The following CACNA1C variants were observed in gnomAD, a reference collection of about 807,000 sequenced individuals.
CACNA1C encodes voltage-dependent L-type calcium channel subunit alpha-1C.
A neutral mutation model predicts 229.0 loss-of-function variants in CACNA1C; 30 were observed. The ratio of observed to expected loss-of-function variants is 0.13; its 90% CI spans 0.10 to 0.18. CACNA1C has a LOEUF of 0.18. Among genes scored for constraint, CACNA1C ranks in the 10% least tolerant of loss-of-function variants. The pLI is 1.00. For synonymous variants in CACNA1C, 1,114 were observed against 1,132.5 expected, an observed-to-expected ratio of 0.98 and a Z score of 0.33; for missense variants, 1,658 against 2,845.0, an observed-to-expected ratio of 0.58 and a Z score of 9.49.
intron 29 of CACNA1C, among the ~76,000 whole-genome samples, chr12:2,627,638 A>G (rs74053895): frequency 0.037 from 5,647 of 152,136 alleles, 348 homozygotes; most frequent in African/African-American, 0.13. Context: ...GCTCTCTTGC[A>G]GGGACCCCCT....
chr12:2,605,872 G>C lies in CACNA1C; in HGVS notation c.3156+86G>C. The stretch of plus-strand genomic sequence containing the variant: ...GGGAACTGGCAGATATAGTACAAAC[G>C]AGACAGTGTCCTGAGCCAGACTTGG... On this transcript the variant is annotated intron_variant, in intron 24 of 46. Transcript: ENST00000399655. The surrounding 1 kb of genome is among the most constrained non-coding windows in gnomAD (Gnocchi z 6.2). The C allele has an allele frequency of 2.1e-6, 2 of 938,744 alleles. No individual in the cohort carries two copies. Among genetic ancestry groups the C allele is most frequent in the Admixed American group, 1.8e-5 (1 of 54,358 alleles). The allele number at this position is 938,744 out of a possible 1,614,324, so 58.2% of individuals were successfully genotyped here.
chr12:2,547,594 T>C (rs1410109132), intron 9 of CACNA1C: 1 of 761,800 alleles, frequency 1.3e-6, no homozygotes, highest in East Asian at 2.5e-5. Flanking sequence ...GGAAGGTGTC[T>C]CTCTTGATGG....
chr12:1,977,510 G>A (rs926084530), intron 1 of CACNA1C, among the ~76,000 whole-genome samples: 1 of 152,164 alleles, frequency 6.6e-6, no homozygotes, highest in East Asian at 1.9e-4. Flanking sequence ...AACAATTCTA[G>A]AATATAAGTG....
In CACNA1C at chr12:2,263,259, C is replaced by A. The variant is rs532367944; in HGVS notation, c.477+142829C>A. 2.0e-5 allele frequency among the ~76,000 whole-genome samples: 3 copies of A among 151,050 alleles called. No individual in the cohort carries two copies. The South Asian group carries it at 6.3e-4, about 32-fold the overall frequency. ...TGTCTGGGAGCAGGAGGGCCAGGTG[C>A]GGAGGCCCTCAGGTGGGAGTATGCC... On this transcript the variant is annotated intron_variant, in intron 3 of 46. Transcript: ENST00000399655.
Position 2,504,967 on chromosome 12 carries a change from G to A in CACNA1C, c.1217+22G>A. The A allele has an allele frequency of 8.6e-7, 1 of 1,166,960 alleles. No individual in the cohort carries two copies. The allele number at this position is 1,166,960 out of a possible 1,614,324, so 72.3% of individuals were successfully genotyped here. A position where few individuals can be genotyped will look rare whatever the true frequency, so the allele number is the denominator to read the frequency against. On this transcript the variant is annotated intron_variant, in intron 8 of 46. Transcript: ENST00000399655. This position sits in a 1 kb window ranked among gnomAD's most constrained non-coding sequence, Gnocchi z 6.8. Reference sequence around the variant, plus strand: ...GCGGGTAAGCAGGACCAAGGAAAAAGGTCTTGATTTTTCCATTTATTTTTA... The same window carrying A: ...GCGGGTAAGCAGGACCAAGGAAAAAAGTCTTGATTTTTCCATTTATTTTTA...
chr12:1,974,302 C>T (rs2033573644), intron 1 of CACNA1C, among the ~76,000 whole-genome samples: 1 of 152,130 alleles, frequency 6.6e-6, no homozygotes, highest in African/African-American at 2.4e-5. Context: ...TCAGCATGGA[C>T]AGTCTCCTCA....
intron 3 of CACNA1C, among the ~76,000 whole-genome samples, chr12:2,241,077 AG>A (rs1203440799): frequency 1.3e-5 from 2 of 152,012 alleles, no homozygotes; most frequent in African/African-American, 2.4e-5. Context: ...GTACGAGGTG[AG>A]GGGGGTGGGA....
At position 1,988,616 on chromosome 12, in the gene CACNA1C, G is replaced by A. The variant is rs374009108; in HGVS notation, c.139+17415G>A. ...GTAAAATGGATCCTTCATCCTTTGG[G>A]TTTATGTCTTTTTAATTTTTTTACT... On this transcript the variant is annotated intron_variant, in intron 1 of 46. Transcript: ENST00000682462. Among the ~76,000 whole-genome samples, 25 of 152,242 alleles carry A rather than the reference G, an allele frequency of 1.6e-4. No individual in the cohort carries two copies. The South Asian group carries it at 5.0e-3, about 30-fold the overall frequency.
Position 2,467,900 on chromosome 12 carries a change from G to C in CACNA1C, c.757+10194G>C, listed in dbSNP as rs115382301. Among the ~76,000 whole-genome samples the C allele has an allele frequency of 6.6e-3, 1,009 of 152,304 alleles. 15 individuals carry two copies. The highest frequency in any genetic ancestry group is 0.023 in the African/African-American group (972 of 41,562). On this transcript the variant is annotated intron_variant, in intron 5 of 46. Transcript: ENST00000399655. The surrounding 1 kb of genome is among the most constrained non-coding windows in gnomAD (Gnocchi z 4.6). ...GTTGCCCTGCCAGGTGCTTTGCCTCGGTTTCTCAATCTACAAAGAGTGAGT... is the reference window on the plus strand; with the variant it reads ...GTTGCCCTGCCAGGTGCTTTGCCTCCGTTTCTCAATCTACAAAGAGTGAGT...
At chr12:2,635,694 C>A (rs1281049052) in intron 30 of CACNA1C, among the ~76,000 whole-genome samples, 3 of 152,114 alleles carry the variant, frequency 2.0e-5, no homozygotes, top group Non-Finnish European at 2.9e-5. Context: ...TGTCATATGT[C>A]CCCCGCTGTA....
chr12:2,254,676 A>G (rs1463486776), intron 3 of CACNA1C, among the ~76,000 whole-genome samples: 1 of 152,058 alleles, frequency 6.6e-6, no homozygotes, highest in Admixed American at 6.6e-5. Flanking sequence ...GAAAAAAGCC[A>G]CTCAAACTAC....
intron 3 of CACNA1C, among the ~76,000 whole-genome samples, chr12:2,159,635 GCT>G: frequency 7.5e-6 from 1 of 132,686 alleles, no homozygotes; most frequent in African/African-American, 2.9e-5. Context: ...TGGGAGTTTC[GCT>G]CTCATTGCCC....
At chr12:2,289,647 G>A (rs1488889598) in intron 3 of CACNA1C, among the ~76,000 whole-genome samples, 2 of 152,074 alleles carry the variant, frequency 1.3e-5, no homozygotes, top group Non-Finnish European at 2.9e-5. Context: ...CGCCCTCACC[G>A]AGACTTGTGT....
At chr12:2,139,017 G>GTGTT (rs2093858138) in intron 3 of CACNA1C, among the ~76,000 whole-genome samples, 1 of 150,536 alleles carries the variant, frequency 6.6e-6, no homozygotes, top group South Asian at 2.1e-4. Flanking sequence ...GTCTCTCAGT[G>GTGTT]TGTTTGTTTT....
chr12:2,177,634 C>T lies in CACNA1C; in HGVS notation c.477+57204C>T, dbSNP rs7968204. ...CTTCCTTCCTTCCTTCCTTCTCTCT[C>T]TCTTTCTTTCTTTCTTTCTTTTTCT... On this transcript the variant is annotated intron_variant, in intron 3 of 46. Coordinates refer to ENST00000399655, the MANE Select transcript of CACNA1C (RefSeq NM_000719.7). Among the ~76,000 whole-genome samples the T allele has an allele frequency of 4.2e-3, 475 of 112,898 alleles. 8 individuals carry two copies. The highest frequency in any genetic ancestry group is 0.03 in the East Asian group (85 of 2,820). The allele number at this position is 112,898 out of a possible 152,430, so 74.1% of individuals were successfully genotyped here. A position where few individuals can be genotyped will look rare whatever the true frequency, so the allele number is the denominator to read the frequency against.
intron 3 of CACNA1C, among the ~76,000 whole-genome samples, chr12:2,136,055 G>T (rs542496317): frequency 6.6e-6 from 1 of 150,866 alleles, no homozygotes; most frequent in Non-Finnish European, 1.5e-5. Flanking sequence ...ATTCGGGTGG[G>T]AGTGACCCAA....
intron 3 of CACNA1C, among the ~76,000 whole-genome samples, chr12:2,173,022 A>T (rs1187386874): frequency 1.3e-5 from 2 of 152,112 alleles, no homozygotes; most frequent in Non-Finnish European, 2.9e-5. Flanking sequence ...TCCAGGAGAG[A>T]GCAGGGCTTA....
chr12:2,463,422 G>A (rs1019844303), intron 5 of CACNA1C, among the ~76,000 whole-genome samples: 4 of 152,156 alleles, frequency 2.6e-5, no homozygotes, highest in Non-Finnish European at 5.9e-5. Context: ...GTGTTCTAGA[G>A]AGCTTGAAGT....
At chr12:2,455,843 T>C (rs2099414551) in intron 4 of CACNA1C, among the ~76,000 whole-genome samples, 1 of 152,182 alleles carries the variant, frequency 6.6e-6, no homozygotes, top group Non-Finnish European at 1.5e-5. Context: ...CCCTCATCAG[T>C]CTGTTTTGTT....
Sources: allele counts gnomAD v4.1 joint callset (sites outside exome capture counted in the v4.1 genomes callset), GRCh38; gene constraint gnomAD v4.1.1; non-coding constraint Gnocchi (gnomAD v3.1); transcripts MANE v1.5; gene names NCBI Gene and HGNC (gene_info 2026-07-23, HGNC 2026-07-21).